The following CRB1 variants were observed in gnomAD, a reference collection of about 807,000 sequenced individuals.
CRB1 encodes protein crumbs homolog 1.
Under a neutral mutation model 120.0 loss-of-function variants are expected in CRB1, and 83 were observed. That is an observed-to-expected ratio of 0.69 (90% confidence interval 0.58 to 0.83). The LOEUF (loss-of-function observed/expected upper bound fraction) is 0.83, where lower values mean the gene tolerates loss of function less well. Among genes scored for constraint, CRB1 ranks in the 40% least tolerant of loss-of-function variants. The pLI, the probability that CRB1 is intolerant of heterozygous loss-of-function variation, is 0.00. For synonymous variants in CRB1, 625 were observed against 612.5 expected (o/e 1.02, Z -0.30); for missense variants, 1,699 against 1,687.6 (o/e 1.01, Z -0.12).
intron 5 of CRB1, among the ~76,000 whole-genome samples, chr1:197,366,272 A>G (rs1304543609): frequency 6.6e-6 from 1 of 152,154 alleles, no homozygotes; most frequent in Non-Finnish European, 1.5e-5. Context: ...CTGCAGATAG[A>G]AAACATACAG....
chr1:197,267,252 G>A (rs1018858348), upstream of CRB1, among the ~76,000 whole-genome samples: 5 of 151,948 alleles, frequency 3.3e-5, no homozygotes, highest in Non-Finnish European at 7.4e-5. Context: ...TGCATGAGGG[G>A]AGGAAAAAAT....
intron 1 of CRB1, among the ~76,000 whole-genome samples, chr1:197,301,326 C>T (rs1311232095): frequency 7.2e-5 from 11 of 152,094 alleles, no homozygotes; most frequent in African/African-American, 2.2e-4. Flanking sequence ...CCACCATACC[C>T]GGCTAATTTT....
the CRB1 span, among the ~76,000 whole-genome samples, chr1:197,260,035 C>G: frequency 6.6e-6 from 1 of 151,532 alleles, no homozygotes; most frequent in African/African-American, 2.4e-5. Flanking sequence ...TGGCTGTAAT[C>G]CCAGGTACTC....
Position 197,421,243 on chromosome 1 carries a change from C to T in CRB1, c.1415C>T (p.Pro472Leu). 6.2e-7 allele frequency: 1 copy of T among 1,614,168 alleles called. No homozygotes were observed. The highest frequency in any genetic ancestry group is 8.5e-7 in the Non-Finnish European group (1 of 1,180,006). Residue 472 changes from proline (P) to leucine (L), a missense_variant, in exon 6 of 12, where the codon CCA (proline) becomes CTA (leucine). Transcript: ENST00000367400. ...DGQHGFSCLC[P>L]SGYTGSLCEI... The stretch of plus-strand genomic sequence containing the variant: ...CAGCATGGATTCAGCTGCCTATGTC[C>T]ATCTGGCTACACCGGGTCCCTGTGT...
rs564091326 is a variant in CRB1, at chr1:197,398,935, T to C, written c.1172-22065T>C. ...GTGTGTGTGTGTGTGTGTGTGTGTG[T>C]AATATGCAGATATAGACTATATATG... On this transcript the variant is annotated intron_variant, in intron 5 of 11. Coordinates refer to ENST00000367400, the MANE Select transcript of CRB1 (RefSeq NM_201253.3). 6.4e-5 allele frequency among the ~76,000 whole-genome samples: 9 copies of C among 141,578 alleles called. No individual in the cohort carries two copies. In the East Asian group the frequency reaches 1.7e-3, roughly 27 times the overall value. The allele number at this position is 141,578 out of a possible 152,430, so 92.9% of individuals were successfully genotyped here. A position where few individuals can be genotyped will look rare whatever the true frequency, so the allele number is the denominator to read the frequency against.
intron 7 of CRB1, among the ~76,000 whole-genome samples, chr1:197,428,301 T>C (rs1664701920): frequency 6.6e-6 from 1 of 152,218 alleles, no homozygotes; most frequent in East Asian, 1.9e-4. Context: ...TTTCAATTCC[T>C]AAACTCCTAA....
chr1:197,301,378 A>T (rs1001114422), intron 1 of CRB1, among the ~76,000 whole-genome samples: 44 of 151,910 alleles, frequency 2.9e-4, no homozygotes, highest in African/African-American at 1.0e-3. Flanking sequence ...GTTGGCCAGG[A>T]TGGTCTCAAA....
chr1:197,389,928 G>T (rs995051348), intron 5 of CRB1, among the ~76,000 whole-genome samples: 1 of 151,858 alleles, frequency 6.6e-6, no homozygotes, highest in African/African-American at 2.4e-5. Flanking sequence ...CGTGCTGAAT[G>T]AAAATGATGT....
intron 11 of CRB1, 144 bp downstream of exon 11, chr1:197,442,436 C>T: frequency 1.9e-6 from 3 of 1,567,188 alleles, no homozygotes; most frequent in Non-Finnish European, 2.6e-6. Context: ...TTGAACATTC[C>T]CAAATGAAAA....
intron 7 of CRB1, chr1:197,429,155 C>G: frequency 6.5e-7 from 1 of 1,530,440 alleles, no homozygotes; most frequent in Non-Finnish European, 8.7e-7. Flanking sequence ...TGAAAAAGTG[C>G]CTGGTAATTT....
At chr1:197,212,028 A>G in the CRB1 span, among the ~76,000 whole-genome samples, 4 of 152,154 alleles carry the variant, frequency 2.6e-5, no homozygotes, top group African/African-American at 9.6e-5. Context: ...GATCTTTTTT[A>G]TCTTTAATTT....
At chr1:197,301,915 G>A (rs1295237255) in intron 1 of CRB1, among the ~76,000 whole-genome samples, 1 of 152,040 alleles carries the variant, frequency 6.6e-6, no homozygotes, top group Admixed American at 6.6e-5. Flanking sequence ...TTTGTGAAAT[G>A]AAATCTACTC....
At chr1:197,348,992 G>A (rs896324462) in intron 4 of CRB1, among the ~76,000 whole-genome samples, 1 of 152,058 alleles carries the variant, frequency 6.6e-6, no homozygotes, top group Non-Finnish European at 1.5e-5. Flanking sequence ...TAATGTTGTA[G>A]GCTTTCACAT....
At chr1:197,222,688 A>G in the CRB1 span, 1 of 796,070 alleles carries the variant, frequency 1.3e-6, no homozygotes, top group African/African-American at 1.7e-5. Flanking sequence ...TACTTGTTTC[A>G]GGAAAACTCC....
Position 197,295,874 on chromosome 1 carries a change from A to G in CRB1, c.70+27392A>G, listed in dbSNP as rs1656488060. Among the ~76,000 whole-genome samples, 3 of 152,080 alleles carry G rather than the reference A, an allele frequency of 2.0e-5. No homozygotes were observed. In the South Asian group the frequency reaches 6.2e-4, roughly 31 times the overall value. On this transcript the variant is annotated intron_variant, in intron 1 of 11. Transcript: ENST00000367400. Reference sequence around the variant, plus strand: ...TTATGTCTTCATAAAGACAAAAGCCAGGCTTACTGTGAAACACAGCATCAC... The same window carrying G: ...TTATGTCTTCATAAAGACAAAAGCCGGGCTTACTGTGAAACACAGCATCAC...
chr1:197,452,389 G>A (rs1297574576), intron 11 of CRB1, among the ~76,000 whole-genome samples: 1 of 152,148 alleles, frequency 6.6e-6, no homozygotes, highest in African/African-American at 2.4e-5. Flanking sequence ...GATATTAAAA[G>A]TACTTTAAAG....
chr1:197,310,795 A>G (rs962301745), intron 1 of CRB1, among the ~76,000 whole-genome samples: 1 of 152,208 alleles, frequency 6.6e-6, no homozygotes, highest in Non-Finnish European at 1.5e-5. Flanking sequence ...TTAAAATTAC[A>G]TAGGGCAGTT....
intron 1 of CRB1, among the ~76,000 whole-genome samples, chr1:197,325,775 A>T (rs1658459984): frequency 6.6e-6 from 1 of 152,220 alleles, no homozygotes; most frequent in Non-Finnish European, 1.5e-5. Context: ...ATAACTTTAT[A>T]TACATTAGTG....
At chr1:197,348,114 C>T (rs1208735526) in intron 4 of CRB1, among the ~76,000 whole-genome samples, 1 of 152,188 alleles carries the variant, frequency 6.6e-6, no homozygotes, top group African/African-American at 2.4e-5. Flanking sequence ...TGACGGACCA[C>T]ATATACAACC....
Sources: allele counts gnomAD v4.1 joint callset (sites outside exome capture counted in the v4.1 genomes callset), GRCh38; gene constraint gnomAD v4.1.1; transcripts MANE v1.5; gene names NCBI Gene and HGNC (gene_info 2026-07-23, HGNC 2026-07-21).